Variants in HEPH observed in about 807,000 individuals in gnomAD.
HEPH encodes hephaestin.
HEPH carries 69 observed loss-of-function variants against 80.8 expected under a neutral mutation model. The observed-to-expected ratio is 0.85, with a 90% CI of 0.70 to 1.04. HEPH has a LOEUF of 1.04. Among genes scored for constraint, HEPH ranks in the 50% least tolerant of loss-of-function variants. HEPH has a pLI of 0.00. For missense variants in HEPH, 1,115 were observed against 891.3 expected, an observed-to-expected ratio of 1.25 and a Z score of -3.20; for synonymous variants, 431 against 322.8, an observed-to-expected ratio of 1.34 and a Z score of -3.60.
At chrX:66,190,006 G>T in intron 6 of HEPH, 68 bp downstream of exon 6, 1 of 1,059,827 alleles carries the variant, frequency 9.4e-7, no homozygotes, top group South Asian at 2.3e-5. Context: ...GGGAGGCTGG[G>T]TTTCTGGCCT....
intron 9 of HEPH, among the ~76,000 whole-genome samples, chrX:66,195,912 A>C (rs559458419): frequency 6.3e-5 from 7 of 111,774 alleles, no homozygotes; most frequent in Middle Eastern, 4.7e-3. Flanking sequence ...ATGCATGCTA[A>C]TTCTAGCCAA....
chrX:66,268,128 G>A (rs909346556), downstream of HEPH: 2 of 111,958 alleles, frequency 1.8e-5, no homozygotes, highest in South Asian at 3.7e-4. Flanking sequence ...TCAGGTAGAA[G>A]TTGAGCAGGG....
chrX:66,255,736 G>T (rs899852318), intron 16 of HEPH, among the ~76,000 whole-genome samples: 8 of 111,443 alleles, frequency 7.2e-5, no homozygotes, highest in African/African-American at 2.6e-4. Context: ...GGAGGTGCAT[G>T]TACTCTGGGC....
chrX:66,192,318 C>T lies in HEPH; in HGVS notation c.1232+20C>T, dbSNP rs762649979. ...AGGCAGGTAAGAGGCAGTGGGATCCCTCTCTTTAATTCTTTAATTGGTCCA... is the reference window on the plus strand; with the variant it reads ...AGGCAGGTAAGAGGCAGTGGGATCCTTCTCTTTAATTCTTTAATTGGTCCA... On this transcript the variant is annotated intron_variant, in intron 7 of 20. Coordinates refer to ENST00000343002, the MANE Select transcript of HEPH (RefSeq NM_001367233.3). The T allele has an allele frequency of 2.6e-6, 3 of 1,176,215 alleles. No individual in the cohort carries two copies. Among genetic ancestry groups the T allele is most frequent in the Non-Finnish European group, 1.2e-6 (1 of 868,983 alleles).
chrX:66,176,674 G>T (rs994646461), intron 4 of HEPH, among the ~76,000 whole-genome samples: 9 of 110,215 alleles, frequency 8.2e-5, no homozygotes, highest in Non-Finnish European at 1.7e-4. Context: ...AACAGTCCCT[G>T]GTGTGTGATG....
intron 4 of HEPH, among the ~76,000 whole-genome samples, chrX:66,180,988 G>A (rs1314610346): frequency 2.0e-5 from 2 of 98,238 alleles, no homozygotes; most frequent in East Asian, 6.6e-4. Flanking sequence ...TGAGAATGAT[G>A]GTTTCCAGTT....
chrX:66,203,984 A>G (rs1411610891), intron 13 of HEPH, among the ~76,000 whole-genome samples: 1 of 112,453 alleles, frequency 8.9e-6, no homozygotes, highest in Non-Finnish European at 1.9e-5. Context: ...TTTAAATATG[A>G]TAGAATTTTA....
intron 15 of HEPH, among the ~76,000 whole-genome samples, chrX:66,254,207 A>G (rs1461135599): frequency 9.0e-6 from 1 of 111,380 alleles, no homozygotes; most frequent in African/African-American, 3.3e-5. Context: ...GTAATGGTTG[A>G]GTTAAGAAAA....
intron 15 of HEPH, among the ~76,000 whole-genome samples, chrX:66,229,574 A>G (rs1190894059): frequency 9.0e-6 from 1 of 111,439 alleles, no homozygotes; most frequent in Admixed American, 9.5e-5. Context: ...GTAACCAAAT[A>G]CCACCTGTTC....
In HEPH at chrX:66,203,363, G is replaced by T. The variant is rs1266349156; in HGVS notation, c.2078-1G>T. The T allele has an allele frequency of 8.3e-7, 1 of 1,208,452 alleles. No homozygotes were observed. The highest frequency in any genetic ancestry group is 1.1e-6 in the Non-Finnish European group (1 of 893,828). On this transcript the variant is annotated splice_acceptor_variant, in intron 12 of 20. Coordinates refer to ENST00000343002, the MANE Select transcript of HEPH (RefSeq NM_001367233.3). LOFTEE classifies it high-confidence loss of function. ...GATTTTTCTCTCTGATCCTCCCTCA[G>T]GGACATTTGAGATTTATTGCCAGGC...
At chrX:66,206,339 CTTTTTTTTTTTTTTTTTTTTTTTTTTT>C (rs760184190) in intron 13 of HEPH, among the ~76,000 whole-genome samples, 6 of 14,065 alleles carry the variant, frequency 4.3e-4, no homozygotes, top group African/African-American at 5.9e-4. Context: ...AACCTGCCAT[CTTTTTTTTTTTTTTTTTTTTTTTTTTT>C]TTTTTTTTTT....
chrX:66,186,457 C>T (rs2087444436), intron 4 of HEPH, among the ~76,000 whole-genome samples: 1 of 112,119 alleles, frequency 8.9e-6, no homozygotes, highest in Non-Finnish European at 1.9e-5. Flanking sequence ...GTGGGAGTGA[C>T]CCGATTTTCC....
At chrX:66,214,787 C>T (rs186117062) in intron 15 of HEPH, among the ~76,000 whole-genome samples, 1 of 110,880 alleles carries the variant, frequency 9.0e-6, no homozygotes, top group East Asian at 2.8e-4. Flanking sequence ...GCTTTGCCAC[C>T]ATTATTTCAT....
intron 4 of HEPH, among the ~76,000 whole-genome samples, chrX:66,180,475 T>C (rs59276729): frequency 0.052 from 5,834 of 111,186 alleles, 424 homozygotes; most frequent in African/African-American, 0.18. Flanking sequence ...CTGAGAAATA[T>C]GCTGTTTATC....
intron 4 of HEPH, among the ~76,000 whole-genome samples, chrX:66,175,944 A>G (rs182292249): frequency 1.8e-5 from 2 of 111,497 alleles, no homozygotes; most frequent in African/African-American, 6.5e-5. Context: ...AAGGTAAACT[A>G]TCATATTGTC....
At chrX:66,241,445 G>C (rs2090577170) in intron 15 of HEPH, among the ~76,000 whole-genome samples, 1 of 111,593 alleles carries the variant, frequency 9.0e-6, no homozygotes, top group Non-Finnish European at 1.9e-5. Context: ...ACAAAAAAGA[G>C]CTGAGGTAGC....
At chrX:66,267,794 G>A (rs2091576026), downstream of HEPH, 1 of 110,788 alleles carries the variant, frequency 9.0e-6, no homozygotes, top group Admixed American at 9.6e-5. Flanking sequence ...GTATTTTACA[G>A]CAATATTCCT....
intron 15 of HEPH, among the ~76,000 whole-genome samples, chrX:66,217,121 GA>G (rs2089432924): frequency 9.0e-6 from 1 of 111,238 alleles, no homozygotes; most frequent in Non-Finnish European, 1.9e-5. Flanking sequence ...GGGAATAATA[GA>G]GGAACATTTC....
rs1174732767 is a variant in HEPH at position 66,239,218 on chromosome X, T to G, written c.2564-15817T>G. 3.6e-5 allele frequency among the ~76,000 whole-genome samples: 4 copies of G among 112,063 alleles called. No homozygotes were observed. The Admixed American group carries it at 3.8e-4, about 11-fold the overall frequency. On this transcript the variant is annotated intron_variant, in intron 15 of 20. Transcript: ENST00000343002. The stretch of plus-strand genomic sequence containing the variant: ...CTGTTGGAATTTCAGAGGCCCGTGG[T>G]GACAGGAGGTTGCTCCTTGTCGGTT...
Sources: gnomAD v4.1 joint callset for allele counts (sites outside exome capture counted in the v4.1 genomes callset) on GRCh38, gnomAD v4.1.1 for gene constraint, MANE v1.5 for transcripts, NCBI Gene and HGNC (gene_info 2026-07-23, HGNC 2026-07-21) for gene names.